Variants in NMNAT2 observed in about 807,000 individuals in gnomAD.
NMNAT2 encodes the protein nicotinamide nucleotide adenylyltransferase 2.
A neutral mutation model predicts 41.6 loss-of-function variants in NMNAT2; 11 were observed. The ratio of observed to expected loss-of-function variants is 0.26; its 90% CI spans 0.17 to 0.44. NMNAT2 has a LOEUF of 0.44. NMNAT2 is among the 20% of genes least tolerant of loss of function. The pLI, the probability that NMNAT2 is intolerant of heterozygous loss-of-function variation, is 1.00. For synonymous variants in NMNAT2, 148 were observed against 151.2 expected (o/e 0.98, Z 0.16); for missense variants, 288 against 407.7 (o/e 0.71, Z 2.53).
At chr1:183,373,440 A>G (rs1039745501) in intron 1 of NMNAT2, among the ~76,000 whole-genome samples, 1 of 152,114 alleles carries the variant, frequency 6.6e-6, no homozygotes, top group Non-Finnish European at 1.5e-5. Flanking sequence ...TCTGACTGTC[A>G]TGGGGCAGCA....
intron 1 of NMNAT2, among the ~76,000 whole-genome samples, chr1:183,387,721 A>G (rs1648299681): frequency 6.6e-6 from 1 of 152,066 alleles, no homozygotes; most frequent in Non-Finnish European, 1.5e-5. Context: ...CCTCTTCCCC[A>G]CCAAATGTTT....
In NMNAT2 at chr1:183,272,438, C is replaced by T. The variant is rs995478256; in HGVS notation, c.651+6115G>A. Among the ~76,000 whole-genome samples the T allele has an allele frequency of 4.6e-5, 7 of 152,118 alleles. No individual in the cohort carries two copies. The East Asian group carries it at 7.7e-4, about 17-fold the overall frequency. ...TGTTCTATTACACTTGAGAGAAACT[C>T]GATGACTATGTATGGAATTTTTTCT... On this transcript the variant is annotated intron_variant, in intron 8 of 10. Transcript: ENST00000287713.
intron 1 of NMNAT2, among the ~76,000 whole-genome samples, chr1:183,356,833 A>G (rs1663200113): frequency 6.6e-6 from 1 of 152,242 alleles, no homozygotes; most frequent in African/African-American, 2.4e-5. Context: ...ATAACTGTCT[A>G]AAACCCAAGC....
At chr1:183,322,697 T>C (rs1345990713) in intron 1 of NMNAT2, among the ~76,000 whole-genome samples, 3 of 152,228 alleles carry the variant, frequency 2.0e-5, no homozygotes, top group East Asian at 3.9e-4. Context: ...CTCTTCCCCA[T>C]ACCCAAATCA....
intron 1 of NMNAT2, among the ~76,000 whole-genome samples, chr1:183,411,922 G>T (rs1303333832): frequency 6.6e-6 from 1 of 152,166 alleles, no homozygotes; most frequent in Non-Finnish European, 1.5e-5. Context: ...TAAAGAATTG[G>T]AGGAGGGGAG....
chr1:183,370,138 C>A (rs1663500237), intron 1 of NMNAT2, among the ~76,000 whole-genome samples: 1 of 151,688 alleles, frequency 6.6e-6, no homozygotes, highest in Non-Finnish European at 1.5e-5. Context: ...CTGTCCAGGA[C>A]CCAAGGGGGA....
At chr1:183,417,064 A>G (rs186255843) in intron 1 of NMNAT2, among the ~76,000 whole-genome samples, 1 of 151,926 alleles carries the variant, frequency 6.6e-6, no homozygotes, top group African/African-American at 2.4e-5. Context: ...AGCACCCCCA[A>G]CTTCTAACTT....
chr1:183,316,674 C>T (rs1662258624), intron 1 of NMNAT2, among the ~76,000 whole-genome samples: 1 of 152,214 alleles, frequency 6.6e-6, no homozygotes, highest in Non-Finnish European at 1.5e-5. Context: ...TCTCATCCAG[C>T]TTGCTGCCTT....
intron 1 of NMNAT2, among the ~76,000 whole-genome samples, chr1:183,368,406 C>T (rs1340002659): frequency 6.6e-6 from 1 of 152,166 alleles, no homozygotes; most frequent in African/African-American, 2.4e-5. Context: ...ACTCCCTGCC[C>T]CTGGGCTGCG....
intron 1 of NMNAT2, among the ~76,000 whole-genome samples, chr1:183,353,014 CT>C (rs1031876859): frequency 5.4e-5 from 8 of 149,274 alleles, no homozygotes; most frequent in South Asian, 2.1e-4. Context: ...AATACATTCT[CT>C]TTTTTTTTTG....
At chr1:183,291,062 A>G (rs573937003) in intron 3 of NMNAT2, among the ~76,000 whole-genome samples, 1 of 152,242 alleles carries the variant, frequency 6.6e-6, no homozygotes, top group African/African-American at 2.4e-5. Context: ...GACTACAGGC[A>G]CATGCCACCA....
At chr1:183,308,423 C>T (rs1662042799) in intron 1 of NMNAT2, among the ~76,000 whole-genome samples, 1 of 152,178 alleles carries the variant, frequency 6.6e-6, no homozygotes, top group African/African-American at 2.4e-5. Context: ...GATAGATGGG[C>T]ATGACCTTGA....
intron 7 of NMNAT2, chr1:183,283,617 C>T: frequency 3.0e-6 from 1 of 335,006 alleles, no homozygotes; most frequent in Non-Finnish European, 5.8e-6. Context: ...TCTTCATCTA[C>T]AAGCACTGAA....
At chr1:183,308,960 G>A (rs1316082776) in intron 1 of NMNAT2, among the ~76,000 whole-genome samples, 2 of 152,128 alleles carry the variant, frequency 1.3e-5, no homozygotes, top group East Asian at 3.9e-4. Context: ...TGAAGGATCA[G>A]GTAGAAAAGG....
At chr1:183,295,072 T>C (rs1362490113) in intron 1 of NMNAT2, among the ~76,000 whole-genome samples, 3 of 152,216 alleles carry the variant, frequency 2.0e-5, no homozygotes, top group African/African-American at 4.8e-5. Flanking sequence ...GGTGCGATCT[T>C]GGCTCACTGC....
intron 8 of NMNAT2, among the ~76,000 whole-genome samples, chr1:183,264,566 A>T (rs1418605762): frequency 6.6e-6 from 1 of 152,136 alleles, no homozygotes; most frequent in East Asian, 1.9e-4. Flanking sequence ...CTGTTTTTGT[A>T]GCACCTGTTT....
At chr1:183,366,427 T>G (rs1663414815) in intron 1 of NMNAT2, among the ~76,000 whole-genome samples, 1 of 152,206 alleles carries the variant, frequency 6.6e-6, no homozygotes, top group Non-Finnish European at 1.5e-5. Context: ...ATCATCATCA[T>G]TAATTAGTAT....
At chr1:183,283,911 G>T in intron 7 of NMNAT2, 84 bp downstream of exon 7, 1 of 1,347,826 alleles carries the variant, frequency 7.4e-7, no homozygotes, top group Non-Finnish European at 1.1e-6. Flanking sequence ...GGGTTTTCAA[G>T]CCTCTCTGCT....
chr1:183,397,317 T>C (rs1307751971), intron 1 of NMNAT2, among the ~76,000 whole-genome samples: 4 of 151,972 alleles, frequency 2.6e-5, no homozygotes, highest in Non-Finnish European at 4.4e-5. Context: ...GTATCAGTGA[T>C]TGAAGATTAA....
Sources: allele counts gnomAD v4.1 joint callset (sites outside exome capture counted in the v4.1 genomes callset), GRCh38; gene constraint gnomAD v4.1.1; transcripts MANE v1.5; gene names NCBI Gene and HGNC (gene_info 2026-07-23, HGNC 2026-07-21).